Variants in SIPA1L1 observed in about 807,000 individuals in gnomAD.
SIPA1L1 encodes signal induced proliferation associated 1 like 1.
A neutral mutation model predicts 162.7 loss-of-function variants in SIPA1L1; 26 were observed. That is an observed-to-expected ratio of 0.16 (90% CI 0.12 to 0.22). The LOEUF is 0.22. Ranked by LOEUF, SIPA1L1 falls within the 10% of genes least tolerant of loss-of-function variation. The pLI is 1.00. For missense variants in SIPA1L1, 1,874 were observed against 2,241.0 expected, an observed-to-expected ratio of 0.84 and a Z score of 3.31; for synonymous variants, 829 against 837.4, an observed-to-expected ratio of 0.99 and a Z score of 0.17.
At chr14:71,549,835 G>A (rs1484471770) in intron 4 of SIPA1L1, among the ~76,000 whole-genome samples, 9 of 152,046 alleles carry the variant, frequency 5.9e-5, no homozygotes, top group African/African-American at 1.7e-4. Context: ...TTTTAATTGC[G>A]GAAGTTGACG....
intron 4 of SIPA1L1, among the ~76,000 whole-genome samples, chr14:71,569,345 G>A (rs1171073169): frequency 1.3e-5 from 2 of 152,188 alleles, no homozygotes; most frequent in East Asian, 3.9e-4. Flanking sequence ...GTCCCAAGTA[G>A]CTGGGAGGAT....
At chr14:71,407,395 TTTTC>T (rs1187083797) in intron 2 of SIPA1L1, among the ~76,000 whole-genome samples, 1 of 152,076 alleles carries the variant, frequency 6.6e-6, no homozygotes, top group African/African-American at 2.4e-5. Flanking sequence ...TTTTCTTTTC[TTTTC>T]TTTCTTTCTC....
chr14:71,330,526 A>G (rs1191863873), intron 2 of SIPA1L1: 15 of 1,558,202 alleles, frequency 9.6e-6, no homozygotes, highest in East Asian at 2.2e-5. Flanking sequence ...AGAGTCAGGA[A>G]TCACCTTGGA....
At chr14:71,351,330 C>A (rs2036683560) in intron 2 of SIPA1L1, among the ~76,000 whole-genome samples, 1 of 151,958 alleles carries the variant, frequency 6.6e-6, no homozygotes, top group Non-Finnish European at 1.5e-5. Flanking sequence ...AAATGGCTAG[C>A]CAAAACTTGG....
In SIPA1L1 at chr14:71,703,943, A is replaced by C. The variant is rs187983639; in HGVS notation, c.3647-1279A>C. On this transcript the variant is annotated intron_variant, in intron 15 of 23. Transcript: ENST00000381232. ...CCCACTCTTAATAGATAAGACTTAA[A>C]AATGAATGTAGATGAATTTTTAAAA... Among the ~76,000 whole-genome samples, 30 of 152,300 alleles carry C rather than the reference A, an allele frequency of 2.0e-4. 1 individual carries two copies. Among genetic ancestry groups the C allele is most frequent in the Middle Eastern group, 3.4e-3 (1 of 294 alleles).
intron 2 of SIPA1L1, among the ~76,000 whole-genome samples, chr14:71,349,492 T>C (rs1160144959): frequency 1.3e-5 from 2 of 152,202 alleles, no homozygotes; most frequent in East Asian, 3.8e-4. Flanking sequence ...TCCTGAAATC[T>C]GAAGGTTTAC....
intron 4 of SIPA1L1, among the ~76,000 whole-genome samples, chr14:71,564,392 A>T (rs1596147510): frequency 7.5e-6 from 1 of 133,992 alleles, no homozygotes; most frequent in South Asian, 2.3e-4. Flanking sequence ...ACATACATGG[A>T]GGTCTGCTTT....
intron 2 of SIPA1L1, among the ~76,000 whole-genome samples, chr14:71,384,240 GCTTT>G (rs1415445550): frequency 1.3e-5 from 2 of 152,140 alleles, no homozygotes. Context: ...TTTTTTCTTT[GCTTT>G]CTTTCTGAGT....
intron 5 of SIPA1L1, among the ~76,000 whole-genome samples, chr14:71,593,387 T>C (rs1337768926): frequency 6.6e-6 from 1 of 151,900 alleles, no homozygotes; most frequent in African/African-American, 2.4e-5. Context: ...AATTTTTGTA[T>C]TTTTAGTAGA....
intron 2 of SIPA1L1, among the ~76,000 whole-genome samples, chr14:71,340,116 G>A (rs1276697970): frequency 2.6e-5 from 4 of 152,178 alleles, no homozygotes; most frequent in Non-Finnish European, 5.9e-5. Flanking sequence ...TAAACACTAT[G>A]CTGTACTGAT....
chr14:71,344,708 C>T (rs944329925), intron 2 of SIPA1L1, among the ~76,000 whole-genome samples: 7 of 152,070 alleles, frequency 4.6e-5, no homozygotes, highest in East Asian at 1.9e-4. Flanking sequence ...TGTAGGTGTG[C>T]GCCACTATGC....
chr14:71,486,836 A>C (rs897507584), intron 2 of SIPA1L1, among the ~76,000 whole-genome samples: 10 of 152,226 alleles, frequency 6.6e-5, no homozygotes, highest in Admixed American at 2.0e-4. Flanking sequence ...TTCAGGGTTT[A>C]AAAATAGAAC....
At chr14:71,508,893 AC>A (rs1305312892) in intron 2 of SIPA1L1, among the ~76,000 whole-genome samples, 1 of 152,136 alleles carries the variant, frequency 6.6e-6, no homozygotes, top group East Asian at 1.9e-4. Context: ...TGCTGTAAAG[AC>A]TTTTATTCAC....
chr14:71,737,698 C>T (rs991672099), intron 22 of SIPA1L1, among the ~76,000 whole-genome samples: 6 of 152,160 alleles, frequency 3.9e-5, no homozygotes, highest in African/African-American at 1.2e-4. Context: ...GACATTAAGC[C>T]TAGGCTAACA....
chr14:71,320,751 C>T (rs1295464800), intron 1 of SIPA1L1, among the ~76,000 whole-genome samples: 1 of 151,138 alleles, frequency 6.6e-6, no homozygotes, highest in African/African-American at 2.4e-5. Context: ...GGAGCCCGGA[C>T]CCCCGCACTT....
chr14:71,526,317 C>T (rs971806351), intron 3 of SIPA1L1, among the ~76,000 whole-genome samples: 3 of 152,096 alleles, frequency 2.0e-5, no homozygotes, highest in African/African-American at 4.8e-5. Flanking sequence ...ATTAGCCCAC[C>T]GAATTTCCCC....
intron 4 of SIPA1L1, among the ~76,000 whole-genome samples, chr14:71,542,475 G>C (rs1308953999): frequency 6.8e-6 from 1 of 146,876 alleles, no homozygotes; most frequent in African/African-American, 2.6e-5. Flanking sequence ...TGCTGCTTCT[G>C]CTTCTGCTTC....
At chr14:71,477,898 G>A (rs1378042152) in intron 2 of SIPA1L1, among the ~76,000 whole-genome samples, 2 of 152,138 alleles carry the variant, frequency 1.3e-5, no homozygotes, top group Admixed American at 6.6e-5. Flanking sequence ...GGATTACATG[G>A]TAGGGGTATG....
intron 2 of SIPA1L1, among the ~76,000 whole-genome samples, chr14:71,402,760 G>A (rs1345289712): frequency 1.3e-5 from 2 of 152,092 alleles, no homozygotes; most frequent in Non-Finnish European, 2.9e-5. Context: ...TATGTGCCTG[G>A]CATATTGGAG....
Sources: gnomAD v4.1 joint callset for allele counts (sites outside exome capture counted in the v4.1 genomes callset) on GRCh38, gnomAD v4.1.1 for gene constraint, MANE v1.5 for transcripts, NCBI Gene and HGNC (gene_info 2026-07-23, HGNC 2026-07-21) for gene names.